RNF220: variants seen among roughly 807,000 people sequenced by gnomAD.
RNF220 encodes ring finger protein 220.
In RNF220, 7 loss-of-function variants were observed where a neutral mutation model predicts 67.1. The observed-to-expected ratio is 0.10, with a 90% confidence interval of 0.06 to 0.20. The LOEUF (loss-of-function observed/expected upper bound fraction) is 0.20, where lower values mean the gene tolerates loss of function less well. Ranked by LOEUF, RNF220 falls within the 10% of genes least tolerant of loss-of-function variation. RNF220 has a pLI of 1.00. For missense variants in RNF220, 565 were observed against 740.3 expected (o/e 0.76, Z 2.75); for synonymous variants, 270 against 283.2 (o/e 0.95, Z 0.47).
intron 2 of RNF220, among the ~76,000 whole-genome samples, chr1:44,414,873 G>A (rs1179841302): frequency 1.3e-5 from 2 of 150,674 alleles, no homozygotes; most frequent in African/African-American, 4.9e-5. Context: ...AAAACCTATA[G>A]GAGTGTCTGT....
At chr1:44,632,318 G>C in intron 5 of RNF220, 25 bp from the exon 6 acceptor site, 1 of 1,614,054 alleles carries the variant, frequency 6.2e-7, no homozygotes, top group Non-Finnish European at 8.5e-7. Context: ...TTCTTTTCTT[G>C]CATCTGCCCG....
intron 2 of RNF220, among the ~76,000 whole-genome samples, chr1:44,558,640 T>C (rs1663311478): frequency 6.6e-6 from 1 of 152,176 alleles, no homozygotes; most frequent in Non-Finnish European, 1.5e-5. Flanking sequence ...AAATGATAAA[T>C]GAAGCAGAGA....
At chr1:44,447,114 C>T (rs1652184775) in intron 2 of RNF220, among the ~76,000 whole-genome samples, 1 of 152,178 alleles carries the variant, frequency 6.6e-6, no homozygotes, top group Admixed American at 6.5e-5. Context: ...AAGTTCAATA[C>T]TTTAATTATT....
intron 2 of RNF220, among the ~76,000 whole-genome samples, chr1:44,561,347 T>A (rs775303935): frequency 5.3e-5 from 8 of 152,014 alleles, no homozygotes; most frequent in Non-Finnish European, 1.0e-4. Context: ...CCATCTCTAC[T>A]AAAAATACAA....
intron 2 of RNF220, among the ~76,000 whole-genome samples, chr1:44,519,550 G>C (rs907955105): frequency 2.0e-5 from 3 of 152,192 alleles, no homozygotes; most frequent in Non-Finnish European, 4.4e-5. Flanking sequence ...AGCAGAGGAA[G>C]TAGCATGTGC....
At chr1:44,648,135 G>A (rs952694642) in intron 12 of RNF220, among the ~76,000 whole-genome samples, 16 of 152,206 alleles carry the variant, frequency 1.1e-4, no homozygotes, top group Non-Finnish European at 1.5e-5. Flanking sequence ...CCTCCTGGGT[G>A]TAGCCAGTAT....
intron 2 of RNF220, among the ~76,000 whole-genome samples, chr1:44,494,932 G>A (rs1290294484): frequency 6.6e-6 from 1 of 152,164 alleles, no homozygotes; most frequent in Non-Finnish European, 1.5e-5. Context: ...ACAGAAACAG[G>A]CCAAGCACAG....
At chr1:44,615,165 T>G (rs1030756909) in intron 3 of RNF220, among the ~76,000 whole-genome samples, 1 of 152,138 alleles carries the variant, frequency 6.6e-6, no homozygotes, top group Non-Finnish European at 1.5e-5. Flanking sequence ...CCTCATAGCT[T>G]GCCAACCTCG....
At chr1:44,449,894 G>A (rs999536025) in intron 2 of RNF220, among the ~76,000 whole-genome samples, 5 of 152,116 alleles carry the variant, frequency 3.3e-5, no homozygotes, top group African/African-American at 1.2e-4. Flanking sequence ...ACGTAACGGA[G>A]ATACAGAAAG....
At chr1:44,429,554 A>G (rs542945724) in intron 2 of RNF220, among the ~76,000 whole-genome samples, 1 of 152,380 alleles carries the variant, frequency 6.6e-6, no homozygotes, top group African/African-American at 2.4e-5. Flanking sequence ...GTGTAAGTGT[A>G]GAAAAAGAAA....
Position 44,649,734 on chromosome 1 carries a change from T to C in RNF220, c.1519T>C (p.Ser507Pro), listed in dbSNP as rs1200347063. Residue 507 changes from serine (S) to proline (P), a missense_variant, in exon 13 of 15, where the codon TCT (serine) becomes CCT (proline). Coordinates refer to ENST00000361799, the MANE Select transcript of RNF220 (RefSeq NM_018150.4). This position sits in a 1 kb window ranked among gnomAD's most constrained non-coding sequence, Gnocchi z 5.9. Reference protein sequence around the residue: ...ARVRELERQLSRGDRYKCLIC... With the variant: ...ARVRELERQLPRGDRYKCLIC... ...GGTCAGAGAACTTGAACGGCAGCTA[T>C]CTCGTGGGGACCGTTACAAATGCCT... 1.9e-6 allele frequency: 3 copies of C among 1,614,018 alleles called. No homozygotes were observed. Among genetic ancestry groups the C allele is most frequent in the Middle Eastern group, 3.3e-4 (2 of 6,060 alleles).
intron 6 of RNF220, 21 bp downstream of exon 6, chr1:44,632,406 C>CCCCA: frequency 6.9e-7 from 1 of 1,439,308 alleles, no homozygotes; most frequent in East Asian, 3.0e-5. Flanking sequence ...CCCGGCCCCT[C>CCCCA]CCTCCGCCCC....
chr1:44,544,237 C>T (rs1661931420), intron 2 of RNF220, among the ~76,000 whole-genome samples: 1 of 152,206 alleles, frequency 6.6e-6, no homozygotes, highest in South Asian at 2.1e-4. Context: ...TGCCGGGGCC[C>T]CAGAACCATC....
At chr1:44,592,019 A>C (rs971915545) in intron 2 of RNF220, among the ~76,000 whole-genome samples, 25 of 151,340 alleles carry the variant, frequency 1.7e-4, no homozygotes, top group African/African-American at 6.1e-4. Flanking sequence ...CTCACTCCTT[A>C]CTCCACACCC....
At chr1:44,616,742 A>G (rs978375532) in intron 3 of RNF220, among the ~76,000 whole-genome samples, 1 of 152,176 alleles carries the variant, frequency 6.6e-6, no homozygotes, top group Non-Finnish European at 1.5e-5. Context: ...TACCAGGGTC[A>G]GAGAATAGAG....
intron 2 of RNF220, among the ~76,000 whole-genome samples, chr1:44,556,790 A>C (rs931094639): frequency 2.0e-5 from 3 of 151,766 alleles, no homozygotes; most frequent in African/African-American, 7.3e-5. Context: ...CAATCTCCTG[A>C]CCTTGTGATC....
Position 44,650,644 on chromosome 1 carries a change from G to T in RNF220, c.1630-60G>T. 1 of 1,560,188 alleles carries T rather than the reference G, an allele frequency of 6.4e-7. No homozygotes were observed. Reference sequence around the variant, plus strand: ...GAGAGACATGGCTGCAGGCCCAGGTGCTCACATGCGCACACATGGCTCATT... The same window carrying T: ...GAGAGACATGGCTGCAGGCCCAGGTTCTCACATGCGCACACATGGCTCATT... On this transcript the variant is annotated intron_variant, in intron 14 of 14. Transcript: ENST00000361799. The surrounding 1 kb of genome is among the most constrained non-coding windows in gnomAD (Gnocchi z 4.3).
intron 2 of RNF220, among the ~76,000 whole-genome samples, chr1:44,515,596 A>G (rs963778917): frequency 6.6e-6 from 1 of 152,146 alleles, no homozygotes; most frequent in Non-Finnish European, 1.5e-5. Flanking sequence ...AGCTCTTCAG[A>G]CCTACTATTT....
intron 1 of RNF220, among the ~76,000 whole-genome samples, chr1:44,406,817 GC>G (rs1647385101): frequency 1.3e-5 from 2 of 152,374 alleles, no homozygotes; most frequent in South Asian, 4.1e-4. Context: ...GGCCCCCCGG[GC>G]GAGGCCGCCC....
Sources: allele counts gnomAD v4.1 joint callset (sites outside exome capture counted in the v4.1 genomes callset), GRCh38; gene constraint gnomAD v4.1.1; non-coding constraint Gnocchi (gnomAD v3.1); transcripts MANE v1.5; gene names NCBI Gene and HGNC (gene_info 2026-07-23, HGNC 2026-07-21).